The following AFF2 variants were observed in gnomAD, a reference collection of about 807,000 sequenced individuals.
AFF2 encodes the protein ALF transcription elongation factor 2, also known as AF4/FMR2 family member 2.
In AFF2, 14 loss-of-function variants were observed where a neutral mutation model predicts 76.9. The ratio of observed to expected loss-of-function variants is 0.18; its 90% CI spans 0.12 to 0.28. The LOEUF (loss-of-function observed/expected upper bound fraction) is 0.28, where lower values mean the gene tolerates loss of function less well. Ranked by LOEUF, AFF2 falls within the 10% of genes least tolerant of loss-of-function variation. AFF2 has a pLI of 1.00. For synonymous variants in AFF2, 398 were observed against 366.7 expected, an observed-to-expected ratio of 1.09 and a Z score of -0.98; for missense variants, 868 against 1,001.1, an observed-to-expected ratio of 0.87 and a Z score of 1.79.
At chrX:148,559,062 T>C (rs2053081983) in intron 1 of AFF2, among the ~76,000 whole-genome samples, 1 of 111,341 alleles carries the variant, frequency 9.0e-6, no homozygotes. Context: ...AGAAGCTAGT[T>C]TGGCAACTGG....
chrX:148,526,694 C>T (rs782318202), intron 1 of AFF2, among the ~76,000 whole-genome samples: 3 of 111,497 alleles, frequency 2.7e-5, no homozygotes, highest in Non-Finnish European at 5.7e-5. Flanking sequence ...AATATATACA[C>T]GTACATGCAC....
intron 1 of AFF2, among the ~76,000 whole-genome samples, chrX:148,567,058 C>A (rs1387081477): frequency 8.9e-6 from 1 of 111,832 alleles, no homozygotes; most frequent in Non-Finnish European, 1.9e-5. Flanking sequence ...ACCTTACCTG[C>A]GGTGCTTAAC....
At chrX:148,505,847 T>C (rs1330647347) in intron 1 of AFF2, among the ~76,000 whole-genome samples, 1 of 111,776 alleles carries the variant, frequency 8.9e-6, no homozygotes, top group Non-Finnish European at 1.9e-5. Context: ...CTGATTGCTG[T>C]TGGATAAAGA....
intron 1 of AFF2, among the ~76,000 whole-genome samples, chrX:148,610,022 T>C (rs1228083274): frequency 9.0e-6 from 1 of 111,616 alleles, no homozygotes; most frequent in African/African-American, 3.3e-5. Context: ...TACTGAGTAA[T>C]CTGAACCTCA....
chrX:148,986,872 A>T (rs2072478394), intron 19 of AFF2, among the ~76,000 whole-genome samples: 1 of 112,728 alleles, frequency 8.9e-6, no homozygotes, highest in African/African-American at 3.2e-5. Context: ...TATTCAAAGG[A>T]AGAGCTATAT....
chrX:148,771,761 C>T (rs782321453), intron 3 of AFF2, among the ~76,000 whole-genome samples: 5 of 112,231 alleles, frequency 4.5e-5, no homozygotes, highest in Non-Finnish European at 9.4e-5. Context: ...GGAGAACTTA[C>T]AAGAAAGTGA....
At chrX:148,848,395 T>A (rs2070693297) in intron 7 of AFF2, among the ~76,000 whole-genome samples, 1 of 112,184 alleles carries the variant, frequency 8.9e-6, no homozygotes, top group Admixed American at 9.4e-5. Context: ...TTGAAAATAT[T>A]TTTGCTAAAA....
intron 8 of AFF2, among the ~76,000 whole-genome samples, chrX:148,903,279 G>GA (rs1211763686): frequency 1.1e-3 from 126 of 110,115 alleles, no homozygotes; most frequent in African/African-American, 3.7e-3. Flanking sequence ...ACAGAAATAT[G>GA]AAAAAAAAAT....
chrX:148,875,231 CA>C (rs1286655726), intron 7 of AFF2, among the ~76,000 whole-genome samples: 2 of 112,053 alleles, frequency 1.8e-5, no homozygotes, highest in African/African-American at 3.2e-5. Context: ...TTTGTTAAAA[CA>C]ATACTATCAA....
intron 1 of AFF2, among the ~76,000 whole-genome samples, chrX:148,506,794 C>A (rs1557232568): frequency 9.0e-6 from 1 of 111,302 alleles, no homozygotes; most frequent in Non-Finnish European, 1.9e-5. Flanking sequence ...TTGATTGGAC[C>A]CTCACAATAA....
intron 9 of AFF2, among the ~76,000 whole-genome samples, chrX:148,910,531 CA>C (rs1410383394): frequency 8.9e-6 from 1 of 112,018 alleles, no homozygotes; most frequent in Non-Finnish European, 1.9e-5. Context: ...GCTCTAAGAA[CA>C]AAAAATGCTT....
chrX:148,556,096 C>T (rs1057412426), intron 1 of AFF2, among the ~76,000 whole-genome samples: 5 of 111,954 alleles, frequency 4.5e-5, no homozygotes, highest in African/African-American at 9.7e-5. Context: ...AGAGAGCCAG[C>T]GGTGGAGATT....
chrX:148,517,755 C>T (rs1478308034), intron 1 of AFF2, among the ~76,000 whole-genome samples: 1 of 111,186 alleles, frequency 9.0e-6, no homozygotes, highest in Non-Finnish European at 1.9e-5. Flanking sequence ...TGGTGGCTCA[C>T]GCCTGTAATC....
At chrX:148,658,805 G>C (rs183303002) in intron 2 of AFF2, among the ~76,000 whole-genome samples, 3 of 112,235 alleles carry the variant, frequency 2.7e-5, no homozygotes, top group African/African-American at 9.7e-5. Flanking sequence ...TCATAGTAAC[G>C]AAGTTAGCCT....
intron 9 of AFF2, among the ~76,000 whole-genome samples, chrX:148,918,088 T>G (rs1273879621): frequency 1.8e-5 from 2 of 112,160 alleles, no homozygotes; most frequent in Admixed American, 1.9e-4. Flanking sequence ...AGATTTTGTA[T>G]GGGACAAACT....
chrX:148,602,546 G>A (rs2053635972), intron 1 of AFF2, among the ~76,000 whole-genome samples: 1 of 110,839 alleles, frequency 9.0e-6, no homozygotes, highest in Non-Finnish European at 1.9e-5. Flanking sequence ...CTTGGGCCAG[G>A]GTCATAGAAA....
At chrX:148,960,793 C>T (rs2072100120) in intron 12 of AFF2, among the ~76,000 whole-genome samples, 1 of 112,182 alleles carries the variant, frequency 8.9e-6, no homozygotes, top group Non-Finnish European at 1.9e-5. Context: ...AGAGCTGGTA[C>T]CTTCAGCAGG....
chrX:148,985,840 C>T (rs1557291473), intron 19 of AFF2, among the ~76,000 whole-genome samples: 1 of 111,251 alleles, frequency 9.0e-6, no homozygotes, highest in Non-Finnish European at 1.9e-5. Flanking sequence ...AACTTGCTCC[C>T]TCAGACCAGA....
intron 1 of AFF2, among the ~76,000 whole-genome samples, chrX:148,537,592 C>T (rs781891527): frequency 1.8e-5 from 2 of 109,229 alleles, no homozygotes; most frequent in South Asian, 4.1e-4. Context: ...TGGAGCCTCT[C>T]GGATCCTGCC....
Sources: gnomAD v4.1 joint callset for allele counts (sites outside exome capture counted in the v4.1 genomes callset) on GRCh38, gnomAD v4.1.1 for gene constraint, MANE v1.5 for transcripts, NCBI Gene and HGNC (gene_info 2026-07-23, HGNC 2026-07-21) for gene names.